DMD: variants seen among roughly 807,000 people sequenced by gnomAD.
The protein encoded by DMD is mutant dystrophin.
Under a neutral mutation model 330.1 loss-of-function variants are expected in DMD, and 63 were observed. The observed-to-expected ratio is 0.19, with a 90% confidence interval of 0.16 to 0.24. DMD has a LOEUF of 0.24. Among genes scored for constraint, DMD ranks in the 10% least tolerant of loss-of-function variants. DMD has a pLI of 1.00. For missense variants in DMD, 3,344 were observed against 2,684.1 expected (o/e 1.25, Z -5.43); for synonymous variants, 1,223 against 959.8 (o/e 1.27, Z -5.07).
intron 44 of DMD, among the ~76,000 whole-genome samples, chrX:32,075,458 G>C (rs898362856): frequency 2.6e-4 from 29 of 111,681 alleles, no homozygotes; most frequent in African/African-American, 9.4e-4. Flanking sequence ...TAAAATGAGG[G>C]CATTGGAAGG....
At chrX:32,946,838 C>G (rs912775019) in intron 2 of DMD, among the ~76,000 whole-genome samples, 14 of 111,353 alleles carry the variant, frequency 1.3e-4, no homozygotes, top group African/African-American at 4.2e-4. Context: ...AGCTTTTAAA[C>G]AGCCCAGTGA....
intron 60 of DMD, among the ~76,000 whole-genome samples, chrX:31,399,869 A>G (rs1011631791): frequency 4.5e-5 from 5 of 111,551 alleles, no homozygotes; most frequent in Non-Finnish European, 9.4e-5. Flanking sequence ...GAGTGTTTTT[A>G]TTTTTAGATA....
At chrX:33,304,559 G>A (rs1375876039) in intron 1 of DMD, among the ~76,000 whole-genome samples, 1 of 110,751 alleles carries the variant, frequency 9.0e-6, no homozygotes, top group African/African-American at 3.3e-5. Context: ...AGCCAAAATT[G>A]ACAAATGGGA....
At chrX:31,250,360 G>T (rs1248985427) in intron 63 of DMD, among the ~76,000 whole-genome samples, 1 of 111,457 alleles carries the variant, frequency 9.0e-6, no homozygotes, top group Non-Finnish European at 1.9e-5. Context: ...TAAAACAATT[G>T]CTAAGGAGAG....
chrX:31,663,424 G>A (rs2081247045), intron 53 of DMD, among the ~76,000 whole-genome samples: 1 of 111,519 alleles, frequency 9.0e-6, no homozygotes, highest in Non-Finnish European at 1.9e-5. Flanking sequence ...CCAGTCCTCT[G>A]TATTGAATTT....
At chrX:32,426,299 C>G (rs1456849613) in intron 29 of DMD, among the ~76,000 whole-genome samples, 1 of 111,726 alleles carries the variant, frequency 9.0e-6, no homozygotes, top group Non-Finnish European at 1.9e-5. Flanking sequence ...AAAAACTCTA[C>G]TCCATTAAAA....
At position 32,648,764 on chromosome X, in the gene DMD, A is replaced by T. The variant is rs989558520; in HGVS notation, c.961-3612T>A. On this transcript the variant is annotated intron_variant, in intron 9 of 78. Coordinates refer to ENST00000357033, the MANE Select transcript of DMD (RefSeq NM_004006.3). ...TTAATCTGAGAATTTGGAAATAAAG[A>T]TATAAAAAGTGGCTTATGCTTTGTT... is the stretch of plus-strand genomic sequence containing the variant. 8.5e-4 allele frequency among the ~76,000 whole-genome samples: 95 copies of T among 112,258 alleles called. 1 individual carries two copies. The highest frequency in any genetic ancestry group is 2.9e-3 in the African/African-American group (89 of 30,905).
At chrX:32,437,053 A>G (rs2098264090) in intron 29 of DMD, among the ~76,000 whole-genome samples, 1 of 112,036 alleles carries the variant, frequency 8.9e-6, no homozygotes, top group Non-Finnish European at 1.9e-5. Flanking sequence ...CCTGACACTG[A>G]TATTCAAATA....
intron 43 of DMD, among the ~76,000 whole-genome samples, chrX:32,252,871 TATATAAAA>T (rs2097280377): frequency 1.4e-5 from 1 of 73,676 alleles, no homozygotes; most frequent in African/African-American, 5.6e-5. Flanking sequence ...AATATATAAA[TATATAAAA>T]ATATATATAA....
chrX:32,127,463 T>C (rs1478936410), intron 44 of DMD, among the ~76,000 whole-genome samples: 2 of 111,315 alleles, frequency 1.8e-5, no homozygotes, highest in Non-Finnish European at 3.8e-5. Context: ...CTAACACAGC[T>C]GGCCTAATCA....
In DMD at chrX:32,627,519, CAG is replaced by C. The variant is rs1339747548; in HGVS notation, c.1332-13068_1332-13067del. ...ATTATTGTAATTAATCCTATTGATT[CAG>C]CAACTGATATTAGCCCCAATTTACA... On this transcript the variant is annotated intron_variant, in intron 11 of 78. Transcript: ENST00000357033. Among the ~76,000 whole-genome samples the C allele has an allele frequency of 7.1e-3, 713 of 100,494 alleles. 17 individuals are homozygous for C. Among genetic ancestry groups the C allele is most frequent in the African/African-American group, 0.032 (663 of 20,985 alleles). 87.3% of individuals were successfully genotyped at this position (100,494 alleles called of 115,157 possible).
At chrX:32,962,949 C>A (rs184925760) in intron 2 of DMD, among the ~76,000 whole-genome samples, 80 of 97,246 alleles carry the variant, frequency 8.2e-4, no homozygotes, top group African/African-American at 3.0e-3. Context: ...AGATGTGACC[C>A]GATAACTGTC....
intron 51 of DMD, among the ~76,000 whole-genome samples, chrX:31,753,985 C>T (rs992984879): frequency 4.5e-5 from 5 of 111,329 alleles, no homozygotes; most frequent in African/African-American, 1.6e-4. Flanking sequence ...TTTTCTACAG[C>T]ACAATGATGA....
chrX:33,233,345 G>A (rs1254455586), intron 1 of DMD, among the ~76,000 whole-genome samples: 2 of 111,737 alleles, frequency 1.8e-5, no homozygotes, highest in Non-Finnish European at 3.8e-5. Context: ...GTACATTAGG[G>A]TTCACAGCAA....
intron 64 of DMD, among the ~76,000 whole-genome samples, chrX:31,221,133 G>A (rs1427987844): frequency 9.1e-6 from 1 of 109,663 alleles, no homozygotes; most frequent in Non-Finnish European, 1.9e-5. Context: ...CACATTGCTG[G>A]TTTAGATTAC....
At chrX:31,503,704 G>A (rs1193472951) in intron 56 of DMD, among the ~76,000 whole-genome samples, 1 of 111,559 alleles carries the variant, frequency 9.0e-6, no homozygotes, top group African/African-American at 3.3e-5. Context: ...AGAGAATGTT[G>A]CAAGTGTGAG....
At chrX:31,491,652 G>A (rs1399583538) in intron 57 of DMD, among the ~76,000 whole-genome samples, 2 of 111,610 alleles carry the variant, frequency 1.8e-5, no homozygotes, top group Non-Finnish European at 3.8e-5. Context: ...CTGGTTTGGG[G>A]AGCACAGATC....
chrX:32,951,785 C>T (rs758858139), intron 2 of DMD, among the ~76,000 whole-genome samples: 7 of 111,784 alleles, frequency 6.3e-5, no homozygotes, highest in African/African-American at 2.3e-4. Context: ...AATACACTTA[C>T]TATCCTAAGG....
At chrX:31,244,373 T>C (rs1365754469) in intron 63 of DMD, among the ~76,000 whole-genome samples, 1 of 112,100 alleles carries the variant, frequency 8.9e-6, no homozygotes, top group Admixed American at 9.5e-5. Context: ...TAACTGACTG[T>C]CTGTTTTTGA....
Sources: allele counts gnomAD v4.1 joint callset (sites outside exome capture counted in the v4.1 genomes callset), GRCh38; gene constraint gnomAD v4.1.1; transcripts MANE v1.5; gene names NCBI Gene and HGNC (gene_info 2026-07-23, HGNC 2026-07-21).